CAND2: variants seen among roughly 807,000 people sequenced by gnomAD.
The protein encoded by CAND2 is cullin-associated NEDD8-dissociated protein 2.
CAND2 carries 62 observed loss-of-function variants against 98.9 expected under a neutral mutation model. That is an observed-to-expected ratio of 0.63 (90% CI 0.51 to 0.77). The LOEUF is 0.77. Ranked by LOEUF, CAND2 falls within the 30% of genes least tolerant of loss-of-function variation. The pLI is 0.00. For synonymous variants in CAND2, 770 were observed against 731.9 expected (o/e 1.05, Z -0.84); for missense variants, 1,501 against 1,655.2 (o/e 0.91, Z 1.62).
chr3:12,816,991 C>T lies in CAND2; in HGVS notation c.2059C>T (p.Leu687Phe), dbSNP rs1271333021. Reference protein sequence around the residue: ...DALAQSQGLSLPPSAVQAVLA... With the variant: ...DALAQSQGLSFPPSAVQAVLA... ...CCTGGCCCAGAGCCAGGGCCTCAGCCTCCCACCGTCTGCCGTGCAGGCCGT... is the reference window on the plus strand; with the variant it reads ...CCTGGCCCAGAGCCAGGGCCTCAGCTTCCCACCGTCTGCCGTGCAGGCCGT... The change falls in exon 10 of 15, where the codon CTC becomes TTC. Residue 687 changes from leucine to phenylalanine, a missense_variant. Coordinates refer to ENST00000456430, the MANE Select transcript of CAND2 (RefSeq NM_001162499.2). 1.9e-6 allele frequency: 3 copies of T among 1,613,054 alleles called. No homozygotes were observed. The highest frequency in any genetic ancestry group is 1.1e-5 in the South Asian group (1 of 91,064).
At chr3:12,803,378 G>A in intron 1 of CAND2, 110 bp from the exon 2 acceptor site, 2 of 1,014,670 alleles carry the variant, frequency 2.0e-6, no homozygotes, top group South Asian at 3.9e-5. Context: ...GACTGCATTT[G>A]ACCTCGAATC....
At chr3:12,811,492 A>G (rs1050438455) in intron 5 of CAND2, among the ~76,000 whole-genome samples, 2 of 152,230 alleles carry the variant, frequency 1.3e-5, no homozygotes, top group Non-Finnish European at 2.9e-5. Flanking sequence ...AGTGAAGGAA[A>G]TTAGGCCAGG....
chr3:12,833,614 C>G lies in CAND2; in HGVS notation c.3484-141C>G, dbSNP rs115378860. Reference sequence around the variant, plus strand: ...TGGAGTTAGGAAATAGCTGGTGAGACAGAAGCCTCAGGAGACCTCGCAGCA... The same window carrying G: ...TGGAGTTAGGAAATAGCTGGTGAGAGAGAAGCCTCAGGAGACCTCGCAGCA... On this transcript the variant is annotated intron_variant, in intron 14 of 14. Coordinates refer to ENST00000456430, the MANE Select transcript of CAND2 (RefSeq NM_001162499.2). 58 of 679,412 alleles carry G rather than the reference C, an allele frequency of 8.5e-5. No homozygotes were observed. The African/African-American group carries it at 1.0e-3, about 12-fold the overall frequency. 42.1% of individuals were successfully genotyped at this position (679,412 alleles called of 1,614,324 possible). A position where few individuals can be genotyped will look rare whatever the true frequency, so the allele number is the denominator to read the frequency against.
intron 12 of CAND2, among the ~76,000 whole-genome samples, chr3:12,825,940 C>T (rs1280728754): frequency 6.6e-6 from 1 of 152,190 alleles, no homozygotes; most frequent in Non-Finnish European, 1.5e-5. Flanking sequence ...AGCCAGCGCT[C>T]AGTAAATGTT....
At chr3:12,821,817 CAG>C (rs1299774966) in intron 11 of CAND2, among the ~76,000 whole-genome samples, 2 of 152,180 alleles carry the variant, frequency 1.3e-5, no homozygotes, top group Non-Finnish European at 2.9e-5. Context: ...TGCATCACAT[CAG>C]GGGCACATGG....
intron 12 of CAND2, 57 bp downstream of exon 12, chr3:12,825,696 C>T: frequency 1.4e-6 from 2 of 1,459,940 alleles, no homozygotes; most frequent in Non-Finnish European, 9.4e-7. Flanking sequence ...CCTCTCATGC[C>T]TCACTGTTAG....
intron 11 of CAND2, among the ~76,000 whole-genome samples, chr3:12,825,042 C>G (rs1306940133): frequency 1.3e-5 from 2 of 152,186 alleles, no homozygotes; most frequent in African/African-American, 4.8e-5. Context: ...AGTTCACATT[C>G]ACAGAGTCCG....
Position 12,797,066 on chromosome 3 carries a change from C to G in CAND2, c.68+278C>G, listed in dbSNP as rs1036595370. 6.6e-5 allele frequency among the ~76,000 whole-genome samples: 10 copies of G among 151,962 alleles called. 1 individual carries two copies. The highest frequency in any genetic ancestry group is 1.3e-4 in the Admixed American group (2 of 15,268). On this transcript the variant is annotated intron_variant, in intron 1 of 14. Coordinates refer to ENST00000456430, the MANE Select transcript of CAND2 (RefSeq NM_001162499.2). The stretch of plus-strand genomic sequence containing the variant: ...CAGGCTTCAGCCCTACCTCTCACCC[C>G]CGATCAGAGCCCCGGCTCCACCCCT...
intron 5 of CAND2, among the ~76,000 whole-genome samples, chr3:12,811,124 T>TGGGGGG (rs58543831): frequency 6.9e-6 from 1 of 144,386 alleles, no homozygotes; most frequent in Non-Finnish European, 1.5e-5. Flanking sequence ...CGGCGGGGGG[T>TGGGGGG]GGGGGGGGGA....
intron 1 of CAND2, among the ~76,000 whole-genome samples, chr3:12,802,438 C>A (rs1677653849): frequency 6.6e-6 from 1 of 152,226 alleles, no homozygotes; most frequent in Non-Finnish European, 1.5e-5. Flanking sequence ...ACTGAGCACA[C>A]ACCATGTGCA....
intron 14 of CAND2, chr3:12,832,626 T>C (rs1400883850): frequency 6.6e-6 from 1 of 152,202 alleles, no homozygotes; most frequent in Non-Finnish European, 1.5e-5. Flanking sequence ...AAAAGCTTTT[T>C]AGGAACCTGT....
In CAND2 at chr3:12,807,401, G is replaced by A. The variant is rs773555494; in HGVS notation, c.308G>A (p.Arg103Gln). ...ATGCGGTCAGACAAGGAGCAGCTGC[G>A]AGACATTGCCGGCATTGGCCTCAAG... ...TNMRSDKEQL[R>Q]DIAGIGLKTV... The change falls in exon 3 of 15, where the codon CGA becomes CAA. Residue 103 changes from arginine (R) to glutamine (Q), a missense_variant. This residue lies in a region of CAND2 where 1,427 missense variants were observed against 1,545.3 expected (regional missense o/e 0.92). Coordinates refer to ENST00000456430, the MANE Select transcript of CAND2 (RefSeq NM_001162499.2). 6.4e-6 allele frequency: 10 copies of A among 1,551,760 alleles called. 1 individual carries two copies. In the South Asian group the frequency reaches 1.1e-4, roughly 17 times the overall value.
intron 13 of CAND2, among the ~76,000 whole-genome samples, 199 bp downstream of exon 13, chr3:12,827,803 G>A (rs1297243739): frequency 6.6e-6 from 1 of 152,052 alleles, no homozygotes; most frequent in East Asian, 1.9e-4. Context: ...GCTCTTTGGA[G>A]GATGGTTTCA....
In CAND2 at chr3:12,815,215, G is replaced by T; in HGVS notation, c.1081G>T (p.Ala361Ser). Residue 361 changes from alanine to serine, a missense_variant, in exon 8 of 15, where the codon GCC (alanine) becomes TCC (serine). By Grantham distance (99) the Ala-to-Ser change is moderately conservative (BLOSUM62 1). This residue lies in a region of CAND2 where 1,427 missense variants were observed against 1,545.3 expected (regional missense o/e 0.92). Coordinates refer to ENST00000456430, the MANE Select transcript of CAND2 (RefSeq NM_001162499.2). This position sits in a 1 kb window ranked among gnomAD's most constrained non-coding sequence, Gnocchi z 5.7. Reference protein sequence around the residue: ...VRRAAAKCIAALISSRPDLLP... With the variant: ...VRRAAAKCIASLISSRPDLLP... ...CCGGGCAGCTGCCAAGTGCATCGCAGCCTTGATCAGCTCGCGGCCTGACCT... is the reference window on the plus strand; with the variant it reads ...CCGGGCAGCTGCCAAGTGCATCGCATCCTTGATCAGCTCGCGGCCTGACCT... The T allele has an allele frequency of 6.2e-7, 1 of 1,613,822 alleles. No individual in the cohort carries two copies. The highest frequency in any genetic ancestry group is 8.5e-7 in the Non-Finnish European group (1 of 1,179,966).
intron 7 of CAND2, 150 bp from the exon 8 acceptor site, chr3:12,814,991 G>A: frequency 2.8e-6 from 2 of 710,700 alleles, no homozygotes; most frequent in Non-Finnish European, 4.6e-6. Flanking sequence ...TTAAAAGGTA[G>A]GGAATGTTCC....
intron 5 of CAND2, among the ~76,000 whole-genome samples, chr3:12,812,390 ATTT>A (rs35620069): frequency 3.9e-4 from 26 of 66,750 alleles, no homozygotes; most frequent in African/African-American, 1.7e-3. Context: ...TGCCCGGCTA[ATTT>A]TTTTTTTTTT....
chr3:12,823,535 T>C (rs1020178289), intron 11 of CAND2, among the ~76,000 whole-genome samples: 3 of 152,216 alleles, frequency 2.0e-5, no homozygotes, highest in Middle Eastern at 3.4e-3. Context: ...GAGACCATCC[T>C]GGCTAACACA....
intron 12 of CAND2, 33 bp downstream of exon 12, chr3:12,825,672 TGGG>T: frequency 6.4e-7 from 1 of 1,568,540 alleles, no homozygotes; most frequent in Non-Finnish European, 8.7e-7. Flanking sequence ...CAGGGGAAGC[TGGG>T]GGTGATGCCA....
intron 4 of CAND2, 128 bp from the exon 5 acceptor site, chr3:12,809,931 C>G (rs973626754): frequency 1.6e-5 from 17 of 1,060,138 alleles, no homozygotes; most frequent in Non-Finnish European, 2.2e-5. Context: ...CAGGGCACCT[C>G]TTTTGCAAGG....
Sources: gnomAD v4.1 joint callset for allele counts (sites outside exome capture counted in the v4.1 genomes callset) on GRCh38, gnomAD v4.1.1 for gene constraint, gnomAD v4.1.1 regional missense constraint, Gnocchi (gnomAD v3.1) non-coding constraint, MANE v1.5 for transcripts, NCBI Gene and HGNC (gene_info 2026-07-23, HGNC 2026-07-21) for gene names.